Variants in ATP2B2 observed in about 807,000 individuals in gnomAD.
ATP2B2 encodes ATPase plasma membrane Ca2+ transporting 2.
A neutral mutation model predicts 120.0 loss-of-function variants in ATP2B2; 15 were observed. That is an observed-to-expected ratio of 0.12 (90% confidence interval 0.08 to 0.19). The LOEUF is 0.19. Ranked by LOEUF, ATP2B2 falls within the 10% of genes least tolerant of loss-of-function variation. The probability of loss-of-function intolerance (pLI) is 1.00; values close to 1 mark genes in which losing one functional copy is unlikely to be tolerated. For missense variants in ATP2B2, 1,045 were observed against 1,719.8 expected (o/e 0.61, Z 6.94); for synonymous variants, 694 against 700.3 (o/e 0.99, Z 0.14).
At chr3:10,348,566 C>T (rs953868011) in intron 16 of ATP2B2, among the ~76,000 whole-genome samples, 3 of 152,188 alleles carry the variant, frequency 2.0e-5, no homozygotes, top group Admixed American at 2.0e-4. Flanking sequence ...TGGCCCAGAT[C>T]CTTGAAGGCA....
intron 1 of ATP2B2, among the ~76,000 whole-genome samples, chr3:10,473,947 T>C (rs1025477421): frequency 6.6e-6 from 1 of 152,238 alleles, no homozygotes; most frequent in Non-Finnish European, 1.5e-5. Context: ...TAAAGAATTT[T>C]AGGTGATAGA....
chr3:10,689,522 T>C (rs908815445), intron 1 of ATP2B2, among the ~76,000 whole-genome samples: 1 of 152,058 alleles, frequency 6.6e-6, no homozygotes, highest in Non-Finnish European at 1.5e-5. Context: ...CATTGCCAGA[T>C]ACCAACATTA....
In ATP2B2 at chr3:10,689,410, C is replaced by T. The variant is rs376367033; in HGVS notation, c.-460+18505G>A. Reference sequence around the variant, plus strand: ...GCAGTAAAATTAAATAAAATAACACCTCCTGTCCAAATAGAATAATTCAGT... The same window carrying T: ...GCAGTAAAATTAAATAAAATAACACTTCCTGTCCAAATAGAATAATTCAGT... On this transcript the variant is annotated intron_variant, in intron 1 of 21. Transcript: ENST00000646379. Among the ~76,000 whole-genome samples the T allele has an allele frequency of 3.3e-5, 5 of 152,144 alleles. No individual in the cohort carries two copies. In the East Asian group the frequency reaches 5.8e-4, roughly 18 times the overall value.
At chr3:10,690,089 G>A (rs1212969329) in intron 1 of ATP2B2, among the ~76,000 whole-genome samples, 3 of 152,188 alleles carry the variant, frequency 2.0e-5, no homozygotes, top group Admixed American at 6.5e-5. Flanking sequence ...AAGGCTCTGG[G>A]GGCAGTCAAA....
intron 5 of ATP2B2, among the ~76,000 whole-genome samples, chr3:10,398,394 G>A (rs899418698): frequency 9.2e-5 from 14 of 152,216 alleles, no homozygotes; most frequent in African/African-American, 2.7e-4. Context: ...GACCAAGGCC[G>A]CTGGTTCAGC....
chr3:10,505,801 G>GT, upstream of ATP2B2: 1 of 148,410 alleles, frequency 6.7e-6, no homozygotes, highest in Admixed American at 6.7e-5. Flanking sequence ...GGGGGGCGGG[G>GT]GGGGTGTGTG....
At chr3:10,657,359 C>T (rs35708402) in intron 1 of ATP2B2, among the ~76,000 whole-genome samples, 1 of 152,126 alleles carries the variant, frequency 6.6e-6, no homozygotes, top group Non-Finnish European at 1.5e-5. Flanking sequence ...GGTCACCACC[C>T]ACCCTCATGT....
intron 17 of ATP2B2, 47 bp from the exon 18 acceptor site, chr3:10,345,622 G>C: frequency 6.3e-7 from 1 of 1,580,002 alleles, no homozygotes; most frequent in Non-Finnish European, 8.7e-7. Flanking sequence ...CGGGGGAGGT[G>C]ACCACTTCTA....
intron 2 of ATP2B2, among the ~76,000 whole-genome samples, chr3:10,441,968 A>G (rs2063682477): frequency 6.6e-6 from 1 of 152,198 alleles, no homozygotes; most frequent in Non-Finnish European, 1.5e-5. Flanking sequence ...CTGGGCACAT[A>G]GTAGGCACTT....
At chr3:10,537,601 AT>A (rs2067347441) in intron 2 of ATP2B2, among the ~76,000 whole-genome samples, 1 of 151,612 alleles carries the variant, frequency 6.6e-6, no homozygotes, top group Non-Finnish European at 1.5e-5. Context: ...ATTCCTTGGG[AT>A]TTTTATGTAG....
intron 2 of ATP2B2, among the ~76,000 whole-genome samples, chr3:10,611,780 G>C (rs60036739): frequency 0.012 from 1,787 of 152,266 alleles, 27 homozygotes; most frequent in African/African-American, 0.042. Context: ...TCCTAAGAGT[G>C]TAACGTTGGA....
In ATP2B2 at chr3:10,401,367, G is replaced by C. The variant is rs533225928; in HGVS notation, c.656-289C>G. Among the ~76,000 whole-genome samples, 7 of 152,324 alleles carry C rather than the reference G, an allele frequency of 4.6e-5. No homozygotes were observed. The East Asian group carries it at 1.4e-3, about 29-fold the overall frequency. The stretch of plus-strand genomic sequence containing the variant: ...TTTCTCTTGACCTCGCCTGAACTTG[G>C]AGTGCAGGTCTCCCAACAATTCGTT... On this transcript the variant is annotated intron_variant, in intron 4 of 22. Coordinates refer to ENST00000360273, the MANE Select transcript of ATP2B2 (RefSeq NM_001001331.4).
upstream of ATP2B2, among the ~76,000 whole-genome samples, chr3:10,506,834 TG>T (rs2066643071): frequency 6.6e-6 from 1 of 152,224 alleles, no homozygotes; most frequent in Admixed American, 6.5e-5. Flanking sequence ...ACCTCTGAGC[TG>T]CCCGCCCGAG....
chr3:10,517,147 G>A (rs916768982), intron 3 of ATP2B2, among the ~76,000 whole-genome samples: 7 of 152,208 alleles, frequency 4.6e-5, no homozygotes, highest in East Asian at 3.8e-4. Flanking sequence ...TCACTGCCTC[G>A]GTGAAGTGAG....
chr3:10,439,954 T>A (rs980217067), intron 2 of ATP2B2, among the ~76,000 whole-genome samples: 2 of 151,146 alleles, frequency 1.3e-5, no homozygotes, highest in African/African-American at 4.9e-5. Flanking sequence ...AAAAAAAAAA[T>A]TACCTGGGCA....
chr3:10,605,061 C>T (rs1221802371), intron 2 of ATP2B2, among the ~76,000 whole-genome samples: 4 of 152,196 alleles, frequency 2.6e-5, no homozygotes, highest in Non-Finnish European at 5.9e-5. Flanking sequence ...AGACATCCTT[C>T]CAAGCATCTA....
At chr3:10,704,325 T>C (rs1471571091) in intron 1 of ATP2B2, among the ~76,000 whole-genome samples, 1 of 152,132 alleles carries the variant, frequency 6.6e-6, no homozygotes, top group Non-Finnish European at 1.5e-5. Flanking sequence ...CTTAAAACCA[T>C]GCTAGTTTCT....
intron 22 of ATP2B2, among the ~76,000 whole-genome samples, chr3:10,337,957 G>A (rs2060169992): frequency 6.6e-6 from 1 of 152,180 alleles, no homozygotes; most frequent in Non-Finnish European, 1.5e-5. Flanking sequence ...GTGCTGCCCT[G>A]AGAGGGCACA....
chr3:10,639,223 G>C (rs912300494), intron 1 of ATP2B2, among the ~76,000 whole-genome samples: 2 of 152,148 alleles, frequency 1.3e-5, no homozygotes, highest in African/African-American at 4.8e-5. Flanking sequence ...GTCACCAAAA[G>C]CCCAGCAGAA....
Sources: gnomAD v4.1 joint callset for allele counts (sites outside exome capture counted in the v4.1 genomes callset) on GRCh38, gnomAD v4.1.1 for gene constraint, MANE v1.5 for transcripts, NCBI Gene and HGNC (gene_info 2026-07-23, HGNC 2026-07-21) for gene names.